DNM3: variants seen among roughly 807,000 people sequenced by gnomAD.
DNM3 encodes the protein dynamin-3.
In DNM3, 47 loss-of-function variants were observed where a neutral mutation model predicts 101.6. That is an observed-to-expected ratio of 0.46 (90% CI 0.37 to 0.59). The LOEUF is 0.59. DNM3 is among the 20% of genes least tolerant of loss of function. DNM3 has a pLI of 0.00. For missense variants in DNM3, 849 were observed against 1,085.7 expected (o/e 0.78, Z 3.06); for synonymous variants, 385 against 387.9 (o/e 0.99, Z 0.09).
At chr1:171,919,366 C>T (rs2039976538) in intron 1 of DNM3, among the ~76,000 whole-genome samples, 1 of 152,082 alleles carries the variant, frequency 6.6e-6, no homozygotes, top group Admixed American at 6.5e-5. Context: ...TTCATGTGTT[C>T]TCATTGTTCA....
chr1:171,861,062 A>AT (rs1571289056), intron 1 of DNM3, among the ~76,000 whole-genome samples: 1 of 152,268 alleles, frequency 6.6e-6, no homozygotes, highest in East Asian at 1.9e-4. Flanking sequence ...AAGACTGCAC[A>AT]CCAAAAACTA....
At chr1:171,965,561 A>C (rs1242709199) in intron 2 of DNM3, among the ~76,000 whole-genome samples, 1 of 151,808 alleles carries the variant, frequency 6.6e-6, no homozygotes, top group African/African-American at 2.4e-5. Flanking sequence ...AAAAAAAAAA[A>C]AAAGGGTTGT....
At chr1:172,167,188 C>T (rs1486214838) in intron 14 of DNM3, among the ~76,000 whole-genome samples, 2 of 151,942 alleles carry the variant, frequency 1.3e-5, no homozygotes, top group African/African-American at 4.8e-5. Context: ...TCTGTCCTTG[C>T]GATAGTTTGC....
In DNM3 at chr1:172,151,882, C is replaced by CTTTG. The variant is rs377176085; in HGVS notation, c.1659+20611_1659+20614dup. Among the ~76,000 whole-genome samples the CTTTG allele has an allele frequency of 2.9e-3, 436 of 151,894 alleles. 2 individuals are homozygous for CTTTG. The highest frequency in any genetic ancestry group is 9.7e-3 in the African/African-American group (401 of 41,438). ...TGAGGATAAGTGGTATAAAAGGAGT[C>CTTTG]TTTGTTTGTTTGTTTGTTTGAAACA... On this transcript the variant is annotated intron_variant, in intron 14 of 20. Transcript: ENST00000627582.
chr1:172,183,398 G>A (rs371600254), intron 14 of DNM3, among the ~76,000 whole-genome samples: 2 of 151,972 alleles, frequency 1.3e-5, no homozygotes, highest in East Asian at 1.9e-4. Context: ...GATGTCATAA[G>A]TGAAGACTTG....
chr1:171,862,753 A>T (rs1169210352), intron 1 of DNM3, among the ~76,000 whole-genome samples: 1 of 152,186 alleles, frequency 6.6e-6, no homozygotes. Flanking sequence ...CAATTAAAAG[A>T]AAACCTTAGG....
intron 15 of DNM3, among the ~76,000 whole-genome samples, chr1:172,278,889 C>A (rs1362062268): frequency 2.6e-5 from 4 of 152,126 alleles, no homozygotes; most frequent in East Asian, 3.8e-4. Flanking sequence ...ATTATCACTG[C>A]GACTTTTCCC....
chr1:172,065,238 T>C (rs899607682), intron 10 of DNM3, among the ~76,000 whole-genome samples: 22 of 152,254 alleles, frequency 1.4e-4, no homozygotes, highest in African/African-American at 5.1e-4. Context: ...AATAACTTTC[T>C]GCTGTAATCT....
intron 1 of DNM3, among the ~76,000 whole-genome samples, chr1:171,889,055 C>T (rs1414196826): frequency 6.6e-6 from 1 of 152,208 alleles, no homozygotes; most frequent in Non-Finnish European, 1.5e-5. Context: ...TCACGGCACA[C>T]TGTAGCCTCA....
chr1:172,360,733 A>G (rs2067699670), intron 17 of DNM3, among the ~76,000 whole-genome samples: 1 of 151,982 alleles, frequency 6.6e-6, no homozygotes, highest in African/African-American at 2.4e-5. Flanking sequence ...GTTGCTTGTA[A>G]CACCTTTGCT....
At chr1:172,359,626 A>AT (rs1345283552) in intron 17 of DNM3, among the ~76,000 whole-genome samples, 5 of 127,036 alleles carry the variant, frequency 3.9e-5, no homozygotes, top group Admixed American at 1.5e-4. Context: ...ATTCAGAAAA[A>AT]TAAAAAAAAA....
chr1:172,067,674 A>G (rs2051799460), intron 10 of DNM3, among the ~76,000 whole-genome samples: 1 of 152,124 alleles, frequency 6.6e-6, no homozygotes, highest in Non-Finnish European at 1.5e-5. Flanking sequence ...TTTTCATAGC[A>G]TCCCATTCTC....
intron 16 of DNM3, chr1:172,309,468 T>C (rs2064988580): frequency 1.3e-5 from 2 of 152,210 alleles, no homozygotes; most frequent in South Asian, 4.1e-4. Flanking sequence ...TTACACAGAC[T>C]AGTCTAAATT....
chr1:172,407,760 TTC>T lies in DNM3; in HGVS notation c.2523-8_2523-7del, dbSNP rs2070999947. ...TACTTGTTTCTTTACCTTTCTCTTT[TTC>T]TCTTTCTAGCCGGAGACCACCCCCA... is the stretch of plus-strand genomic sequence containing the variant. On this transcript the variant is annotated splice_polypyrimidine_tract_variant and intron_variant, in intron 20 of 20. Transcript: ENST00000627582. The T allele has an allele frequency of 1.9e-6, 3 of 1,612,422 alleles. No homozygotes were observed. Among genetic ancestry groups the T allele is most frequent in the Non-Finnish European group, 2.5e-6 (3 of 1,178,816 alleles).
chr1:172,403,420 A>G (rs1181194269), intron 20 of DNM3, among the ~76,000 whole-genome samples: 2 of 152,146 alleles, frequency 1.3e-5, no homozygotes, highest in African/African-American at 2.4e-5. Flanking sequence ...AATGGGCCTC[A>G]TATCATGAAC....
chr1:172,414,517 T>C (rs1032004709), downstream of DNM3, among the ~76,000 whole-genome samples: 16 of 152,222 alleles, frequency 1.1e-4, no homozygotes, highest in African/African-American at 3.9e-4. Flanking sequence ...CTCAGACTTA[T>C]TTGACCATAG....
chr1:172,162,924 A>T (rs1034327224), intron 14 of DNM3, among the ~76,000 whole-genome samples: 1 of 152,126 alleles, frequency 6.6e-6, no homozygotes, highest in African/African-American at 2.4e-5. Context: ...TTTAATACAG[A>T]AGCATATATT....
rs1349993106 is a variant in DNM3, at chr1:172,408,811, C to G, written c.*970C>G. On this transcript the variant is annotated 3_prime_UTR_variant, in exon 21 of 21. Coordinates refer to ENST00000627582, the MANE Select transcript of DNM3 (RefSeq NM_015569.5). ...TTGTTTTGTAAGAATTTATCCTACC[C>G]TTGAAACAGGCTCAGTGTAACTGTA... 1.0e-6 allele frequency: 1 copy of G among 985,122 alleles called. No homozygotes were observed. Among genetic ancestry groups the G allele is most frequent in the African/African-American group, 1.7e-5 (1 of 57,194 alleles). The allele number at this position is 985,122 out of a possible 1,614,324, so 61.0% of individuals were successfully genotyped here. A position where few individuals can be genotyped will look rare whatever the true frequency, so the allele number is the denominator to read the frequency against.
chr1:172,388,983 A>G, intron 20 of DNM3, 174 bp downstream of exon 20: 1 of 626,506 alleles, frequency 1.6e-6, no homozygotes, highest in East Asian at 2.8e-5. Context: ...GCCATTTAAA[A>G]ATCACTTGTG....
Sources: allele counts gnomAD v4.1 joint callset (sites outside exome capture counted in the v4.1 genomes callset), GRCh38; gene constraint gnomAD v4.1.1; transcripts MANE v1.5; gene names NCBI Gene and HGNC (gene_info 2026-07-23, HGNC 2026-07-21).